The following TENM4 variants were observed in gnomAD, a reference collection of about 807,000 sequenced individuals.
TENM4 encodes the protein teneurin transmembrane protein 4.
In TENM4, 82 loss-of-function variants were observed where a neutral mutation model predicts 243.3. The observed-to-expected ratio is 0.34, with a 90% CI of 0.28 to 0.40. TENM4 has a LOEUF of 0.40. TENM4 is among the 10% of genes least tolerant of loss of function. The probability of loss-of-function intolerance (pLI) is 1.00; values close to 1 mark genes in which losing one functional copy is unlikely to be tolerated. For missense variants in TENM4, 3,138 were observed against 3,673.3 expected (o/e 0.85, Z 3.77); for synonymous variants, 1,412 against 1,456.3 (o/e 0.97, Z 0.69).
chr11:79,343,068 G>T (rs1271619838), intron 1 of TENM4, among the ~76,000 whole-genome samples: 1 of 152,226 alleles, frequency 6.6e-6, no homozygotes, highest in South Asian at 2.1e-4. Flanking sequence ...GGCACACGCA[G>T]CTCACCCTGA....
chr11:79,126,364 C>T (rs1861876229), intron 4 of TENM4, among the ~76,000 whole-genome samples: 1 of 152,210 alleles, frequency 6.6e-6, no homozygotes, highest in East Asian at 1.9e-4. Context: ...TTGCTCATCT[C>T]TGTATGTCAG....
At chr11:78,717,817 G>A (rs987550222) in intron 25 of TENM4, among the ~76,000 whole-genome samples, 2 of 152,132 alleles carry the variant, frequency 1.3e-5, no homozygotes, top group African/African-American at 4.8e-5. Flanking sequence ...TGGGTTTGAT[G>A]GACACTGGAG....
chr11:79,245,938 T>TA (rs1199883938), intron 2 of TENM4, among the ~76,000 whole-genome samples: 1,989 of 64,716 alleles, frequency 0.031, 42 homozygotes, highest in East Asian at 0.1. Flanking sequence ...AGACTTTGTC[T>TA]AAAAAAAAAA....
intron 9 of TENM4, among the ~76,000 whole-genome samples, chr11:78,863,478 T>C (rs901092910): frequency 1.3e-5 from 2 of 152,104 alleles, no homozygotes; most frequent in Non-Finnish European, 2.9e-5. Context: ...AACGCAAAAA[T>C]AACTTGTACA....
intron 3 of TENM4, among the ~76,000 whole-genome samples, chr11:79,206,593 A>G (rs963402679): frequency 2.6e-5 from 4 of 152,104 alleles, no homozygotes; most frequent in African/African-American, 9.7e-5. Context: ...ACCCAGGGGG[A>G]AGTAAATGAA....
intron 20 of TENM4, among the ~76,000 whole-genome samples, chr11:78,735,203 C>A (rs1006562777): frequency 6.6e-6 from 1 of 152,208 alleles, no homozygotes; most frequent in African/African-American, 2.4e-5. Flanking sequence ...ACCCGTTTGC[C>A]TGTTCCTCAT....
intron 1 of TENM4, among the ~76,000 whole-genome samples, chr11:79,367,483 A>G (rs1590914537): frequency 1.3e-5 from 2 of 152,324 alleles, no homozygotes; most frequent in African/African-American, 4.8e-5. Flanking sequence ...TCCTTCTGCC[A>G]AGAGTTAATA....
chr11:78,805,277 T>TCCCCACCCACCACACCCCA lies in TENM4; in HGVS notation c.2179+14_2179+15insTGGGGTGTGGTGGGTGGGG. 2.1e-6 allele frequency: 3 copies of TCCCCACCCACCACACCCCA among 1,402,550 alleles called. No individual in the cohort carries two copies. Among genetic ancestry groups the TCCCCACCCACCACACCCCA allele is most frequent in the Non-Finnish European group, 2.9e-6 (3 of 1,033,116 alleles). The allele number at this position is 1,402,550 out of a possible 1,614,324, so 86.9% of individuals were successfully genotyped here. A position where few individuals can be genotyped will look rare whatever the true frequency, so the allele number is the denominator to read the frequency against. The stretch of plus-strand genomic sequence containing the variant: ...CCCCTCCCTCTACCCATGCTTCTTC[T>TCCCCACCCACCACACCCCA]CCCCCTGCATTTACCGATAGAACAG... On this transcript the variant is annotated intron_variant, in intron 15 of 33. Transcript: ENST00000278550.
At chr11:79,435,980 T>G (rs544197429) in intron 1 of TENM4, among the ~76,000 whole-genome samples, 1 of 152,238 alleles carries the variant, frequency 6.6e-6, no homozygotes, top group African/African-American at 2.4e-5. Flanking sequence ...AGAAAAGAAA[T>G]TTTCATTTCA....
intron 12 of TENM4, among the ~76,000 whole-genome samples, chr11:78,834,770 T>G (rs1170938119): frequency 6.6e-6 from 1 of 152,144 alleles, no homozygotes; most frequent in Non-Finnish European, 1.5e-5. Flanking sequence ...TCTGCCAGGG[T>G]GGGAGAAGAC....
chr11:78,908,891 G>C (rs180928763), intron 6 of TENM4, among the ~76,000 whole-genome samples: 1 of 152,228 alleles, frequency 6.6e-6, no homozygotes, highest in African/African-American at 2.4e-5. Context: ...GCAGGGACTT[G>C]ATGGATTAAA....
intron 5 of TENM4, among the ~76,000 whole-genome samples, 183 bp downstream of exon 5, chr11:79,069,539 C>A (rs1860350293): frequency 1.3e-5 from 2 of 152,226 alleles, no homozygotes; most frequent in Non-Finnish European, 2.9e-5. Context: ...GAATGAACTA[C>A]AGGGCAGGCT....
At chr11:79,057,569 T>A (rs1859973964) in intron 6 of TENM4, among the ~76,000 whole-genome samples, 1 of 152,156 alleles carries the variant, frequency 6.6e-6, no homozygotes, top group Admixed American at 6.5e-5. Context: ...CCATAACAAC[T>A]ATTATAGAGA....
intron 3 of TENM4, among the ~76,000 whole-genome samples, chr11:79,211,301 C>G (rs757673658): frequency 6.6e-6 from 1 of 152,208 alleles, no homozygotes; most frequent in Non-Finnish European, 1.5e-5. Flanking sequence ...CCCCTCTGTA[C>G]TGAGACTGTT....
intron 3 of TENM4, among the ~76,000 whole-genome samples, chr11:79,151,573 G>C (rs1425590576): frequency 6.6e-6 from 1 of 152,114 alleles, no homozygotes; most frequent in Non-Finnish European, 1.5e-5. Context: ...GTCATCCATG[G>C]GACCTGGCCG....
In TENM4 at chr11:78,722,688, G is replaced by A; in HGVS notation, c.3780C>T (p.Val1260=). 1 of 1,613,528 alleles carries A rather than the reference G, an allele frequency of 6.2e-7. No homozygotes were observed. Among genetic ancestry groups the A allele is most frequent in the Non-Finnish European group, 8.5e-7 (1 of 1,179,464 alleles). ...CATACCTCAGCTCTAGGATGTTGGT[G>A]ACATTTCCAGAGGGGAAGATCCTTC... ...YIRRIFPSGN[V]TNILELRNKD... is the part of the protein sequence containing the mutation. Residue 1260 remains valine (V), a synonymous_variant, in exon 24 of 34, where the codon GTC becomes GTT. Coordinates refer to ENST00000278550, the MANE Select transcript of TENM4 (RefSeq NM_001098816.3).
At chr11:79,246,979 A>G (rs1186846962) in intron 2 of TENM4, among the ~76,000 whole-genome samples, 1 of 120,536 alleles carries the variant, frequency 8.3e-6, no homozygotes, top group Non-Finnish European at 1.7e-5. Flanking sequence ...TGAATATTGT[A>G]TTTCTCAAAA....
At chr11:79,225,259 G>A (rs1436093392) in intron 2 of TENM4, among the ~76,000 whole-genome samples, 1 of 152,170 alleles carries the variant, frequency 6.6e-6, no homozygotes, top group African/African-American at 2.4e-5. Flanking sequence ...GTGAGAGAAG[G>A]AAGCTTACAC....
chr11:79,406,513 T>G (rs914118958), intron 1 of TENM4, among the ~76,000 whole-genome samples: 1 of 152,228 alleles, frequency 6.6e-6, no homozygotes, highest in African/African-American at 2.4e-5. Context: ...CTCCACTAAA[T>G]CAGAAAGATT....
Sources: allele counts gnomAD v4.1 joint callset (sites outside exome capture counted in the v4.1 genomes callset), GRCh38; gene constraint gnomAD v4.1.1; transcripts MANE v1.5; gene names NCBI Gene and HGNC (gene_info 2026-07-23, HGNC 2026-07-21).